CHRNA7: variants seen among roughly 807,000 people sequenced by gnomAD.
CHRNA7 encodes cholinergic receptor nicotinic alpha 7 subunit.
CHRNA7 carries 17 observed loss-of-function variants against 48.0 expected under a neutral mutation model. That is an observed-to-expected ratio of 0.35 (90% confidence interval 0.24 to 0.53). The LOEUF is 0.53. CHRNA7 is among the 20% of genes least tolerant of loss of function. CHRNA7 has a pLI of 0.92. For synonymous variants in CHRNA7, 75 were observed against 242.3 expected, an observed-to-expected ratio of 0.31 and a Z score of 6.41; for missense variants, 155 against 577.7, an observed-to-expected ratio of 0.27 and a Z score of 7.50.
chr15:32,081,141 T>G (rs1279438739), intron 2 of CHRNA7, among the ~76,000 whole-genome samples: 1 of 151,986 alleles, frequency 6.6e-6, no homozygotes, highest in Non-Finnish European at 1.5e-5. Context: ...GCCTGTCGGG[T>G]GGGGTCCTGG....
At chr15:32,140,313 A>G (rs952054699) in intron 4 of CHRNA7, among the ~76,000 whole-genome samples, 24 of 152,150 alleles carry the variant, frequency 1.6e-4, no homozygotes, top group Middle Eastern at 6.8e-3. Flanking sequence ...TCTTAATCCA[A>G]TCTGTCATTG....
intron 2 of CHRNA7, among the ~76,000 whole-genome samples, chr15:32,092,030 T>C (rs2050391810): frequency 6.6e-6 from 1 of 152,218 alleles, no homozygotes. Context: ...CTCTGTGTTG[T>C]AGTCACCATT....
intron 4 of CHRNA7, among the ~76,000 whole-genome samples, chr15:32,118,727 C>A (rs1462356280): frequency 2.0e-5 from 3 of 152,070 alleles, no homozygotes; most frequent in Admixed American, 2.0e-4. Context: ...CAGCAGTGAT[C>A]CAGCCAGACC....
chr15:32,031,166 G>T (rs1367973348), intron 2 of CHRNA7, 129 bp downstream of exon 2: 13 of 1,098,664 alleles, frequency 1.2e-5, no homozygotes, highest in Non-Finnish European at 1.6e-5. Context: ...GCTAGGCAGG[G>T]CCATGCTCTG....
At chr15:32,030,842 G>A (rs1901788556) in intron 1 of CHRNA7, 56 bp from the exon 2 acceptor site, 3 of 1,581,940 alleles carry the variant, frequency 1.9e-6, no homozygotes. Context: ...GGAGGGAGTC[G>A]GGGGTACCCC....
chr15:32,033,784 A>G (rs1438219686), intron 2 of CHRNA7, among the ~76,000 whole-genome samples: 1 of 152,172 alleles, frequency 6.6e-6, no homozygotes, highest in Non-Finnish European at 1.5e-5. Context: ...TTTGTTGCCC[A>G]TTTTAACTGG....
chr15:32,035,760 G>A (rs8028107), intron 2 of CHRNA7, among the ~76,000 whole-genome samples: 2 of 152,102 alleles, frequency 1.3e-5, no homozygotes, highest in African/African-American at 4.8e-5. Flanking sequence ...GTATAATCAG[G>A]TATTGATCTT....
intron 2 of CHRNA7, among the ~76,000 whole-genome samples, chr15:32,049,742 C>G (rs577255830): frequency 3.3e-5 from 5 of 152,302 alleles, no homozygotes; most frequent in Non-Finnish European, 4.4e-5. Flanking sequence ...TTCCTAGTCT[C>G]CATGGTCTTT....
At chr15:32,116,745 G>A (rs1595466158) in intron 4 of CHRNA7, among the ~76,000 whole-genome samples, 1 of 152,224 alleles carries the variant, frequency 6.6e-6, no homozygotes, top group East Asian at 1.9e-4. Flanking sequence ...CTGTTTCTGA[G>A]TTGCTCGGTC....
chr15:32,086,232 G>C (rs1251305042), intron 2 of CHRNA7, among the ~76,000 whole-genome samples: 1 of 151,836 alleles, frequency 6.6e-6, no homozygotes, highest in Non-Finnish European at 1.5e-5. Context: ...AGCTGGGCCT[G>C]GTGGCAGGCG....
intron 2 of CHRNA7, among the ~76,000 whole-genome samples, chr15:32,079,274 T>C (rs1052739254): frequency 3.3e-5 from 5 of 152,052 alleles, no homozygotes; most frequent in African/African-American, 1.2e-4. Flanking sequence ...CCACTCCCAT[T>C]CAACATAGTA....
At chr15:32,166,776 G>T (rs2052182173) in intron 9 of CHRNA7, among the ~76,000 whole-genome samples, 1 of 137,696 alleles carries the variant, frequency 7.3e-6, no homozygotes, top group African/African-American at 3.0e-5. Flanking sequence ...GGCTTCAGTT[G>T]TCTCTCTTCT....
At chr15:32,091,975 A>T (rs1472187016) in intron 2 of CHRNA7, among the ~76,000 whole-genome samples, 2 of 152,078 alleles carry the variant, frequency 1.3e-5, no homozygotes, top group Admixed American at 6.5e-5. Context: ...TTCTAGGACC[A>T]GAAGCAGGGC....
chr15:32,148,920 A>G (rs1341129046), intron 4 of CHRNA7, among the ~76,000 whole-genome samples: 1 of 152,152 alleles, frequency 6.6e-6, no homozygotes, highest in East Asian at 1.9e-4. Context: ...TTTAAAGCCT[A>G]TGCAGACACC....
At chr15:32,121,348 G>A (rs564280087) in intron 4 of CHRNA7, among the ~76,000 whole-genome samples, 2 of 152,204 alleles carry the variant, frequency 1.3e-5, no homozygotes, top group Non-Finnish European at 2.9e-5. Context: ...TCAGTTTACC[G>A]TGGGTGGTCT....
chr15:32,097,552 A>G (rs926892767), intron 2 of CHRNA7, among the ~76,000 whole-genome samples: 1 of 152,128 alleles, frequency 6.6e-6, no homozygotes, highest in Non-Finnish European at 1.5e-5. Context: ...CAGGTTAATC[A>G]TGGACTTCCA....
intron 2 of CHRNA7, among the ~76,000 whole-genome samples, chr15:32,058,361 A>G (rs755949083): frequency 6.6e-6 from 1 of 152,210 alleles, no homozygotes; most frequent in Non-Finnish European, 1.5e-5. Context: ...AGGGACAGTT[A>G]TGGGCATTGG....
chr15:32,095,273 C>T (rs2050448999), intron 2 of CHRNA7, among the ~76,000 whole-genome samples: 1 of 152,224 alleles, frequency 6.6e-6, no homozygotes, highest in Non-Finnish European at 1.5e-5. Context: ...AGCTCCCCAT[C>T]AGCAGCTCTC....
At chr15:32,080,181 C>T (rs929899893) in intron 2 of CHRNA7, among the ~76,000 whole-genome samples, 5 of 151,970 alleles carry the variant, frequency 3.3e-5, no homozygotes, top group African/African-American at 9.7e-5. Context: ...AATGTAAAAC[C>T]CTAAAATATA....
Sources: gnomAD v4.1 joint callset for allele counts (sites outside exome capture counted in the v4.1 genomes callset) on GRCh38, gnomAD v4.1.1 for gene constraint, MANE v1.5 for transcripts, NCBI Gene and HGNC (gene_info 2026-07-23, HGNC 2026-07-21) for gene names.